SLC4A11: variants seen among roughly 807,000 people sequenced by gnomAD.
SLC4A11 encodes bicarbonate transporter related protein 1.
A neutral mutation model predicts 95.0 loss-of-function variants in SLC4A11; 74 were observed. That is an observed-to-expected ratio of 0.78 (90% confidence interval 0.65 to 0.95). The LOEUF (loss-of-function observed/expected upper bound fraction) is 0.95, where lower values mean the gene tolerates loss of function less well. Among genes scored for constraint, SLC4A11 ranks in the 40% least tolerant of loss-of-function variants. SLC4A11 has a pLI of 0.00. For missense variants in SLC4A11, 1,081 were observed against 1,192.4 expected (o/e 0.91, Z 1.38); for synonymous variants, 548 against 519.0 (o/e 1.06, Z -0.76).
chr20:3,229,731 G>C lies in SLC4A11; in HGVS notation c.1535C>G (p.Thr512Arg), dbSNP rs1306477680. The change falls in exon 14 of 20, where the codon ACA (threonine) becomes AGA (arginine). Residue 512 changes from threonine to arginine, a missense_variant. Thr to Arg is a moderately conservative substitution (Grantham distance 71). Coordinates refer to ENST00000642402, the MANE Select transcript of SLC4A11 (RefSeq NM_001174089.2). ...YYGHYLDDYH[T>R]KRTSSLVSLS... ...GCTGACAAGGGATGAAGTCCTTTTTGTGTGATAGTCGTCCAAGTAATGCCC... is the reference window on the plus strand; with the variant it reads ...GCTGACAAGGGATGAAGTCCTTTTTCTGTGATAGTCGTCCAAGTAATGCCC... 6.2e-7 allele frequency: 1 copy of C among 1,613,908 alleles called. No homozygotes were observed. Among genetic ancestry groups the C allele is most frequent in the Non-Finnish European group, 8.5e-7 (1 of 1,180,016 alleles).
In SLC4A11 at chr20:3,227,567, C is replaced by T; in HGVS notation, c.*220G>A. 1.7e-6 allele frequency: 1 copy of T among 602,924 alleles called. No homozygotes were observed. The highest frequency in any genetic ancestry group is 1.9e-5 in the South Asian group (1 of 52,842). 37.3% of individuals were successfully genotyped at this position (602,924 alleles called of 1,614,324 possible). On this transcript the variant is annotated 3_prime_UTR_variant, in exon 20 of 20. Transcript: ENST00000642402. ...CCCACCCACCCTGGGCAGAAGCTGC[C>T]CTGAGCAACGCTCTTGGCCTAAAGC...
chr20:3,227,443 T>C lies in SLC4A11; in HGVS notation c.*344A>G. The C allele has an allele frequency of 3.0e-6, 1 of 336,190 alleles. No individual in the cohort carries two copies. Among genetic ancestry groups the C allele is most frequent in the Non-Finnish European group, 5.7e-6 (1 of 174,224 alleles). 20.8% of individuals were successfully genotyped at this position (336,190 alleles called of 1,614,324 possible). A position where few individuals can be genotyped will look rare whatever the true frequency, so the allele number is the denominator to read the frequency against. On this transcript the variant is annotated 3_prime_UTR_variant, in exon 20 of 20. Transcript: ENST00000642402. ...AGGAGCCTAGAAACAGGAGCTTTAT[T>C]CTCTAATGTGCGTCCAGCAAGTTCC... is the stretch of plus-strand genomic sequence containing the variant.
intron 1 of SLC4A11, chr20:3,238,064 T>C (rs1310397942): frequency 3.4e-6 from 5 of 1,479,452 alleles, no homozygotes; most frequent in Admixed American, 2.4e-5. Flanking sequence ...TAAACGCCCA[T>C]TGCAGGCGCA....
In SLC4A11 at chr20:3,237,532, A is replaced by G; in HGVS notation, c.88+12T>C. 6.2e-7 allele frequency: 1 copy of G among 1,613,552 alleles called. No individual in the cohort carries two copies. The highest frequency in any genetic ancestry group is 1.1e-5 in the South Asian group (1 of 91,060). On this transcript the variant is annotated intron_variant, in intron 2 of 19. Coordinates refer to ENST00000642402, the MANE Select transcript of SLC4A11 (RefSeq NM_001174089.2). The stretch of plus-strand genomic sequence containing the variant: ...TCTCTCTGCACACACACACTCCCCG[A>G]GAGGTACTCACTTGAATCCTCGAAG...
Position 3,228,830 on chromosome 20 carries a change from A to G in SLC4A11, c.2192+8T>C. The G allele has an allele frequency of 6.2e-7, 1 of 1,613,668 alleles. No homozygotes were observed. The highest frequency in any genetic ancestry group is 8.5e-7 in the Non-Finnish European group (1 of 1,180,014). On this transcript the variant is annotated splice_region_variant and intron_variant, in intron 17 of 19. Transcript: ENST00000642402. ...AGGGTCCACGGCTCTTGCCAGCCTC[A>G]CACTCACGTGTCATAGATGTGTCCG...
rs777325698 is a variant in SLC4A11 at position 3,230,660 on chromosome 20, G to A, written c.1283-13C>T. 6.2e-7 allele frequency: 1 copy of A among 1,613,214 alleles called. No homozygotes were observed. The highest frequency in any genetic ancestry group is 8.5e-7 in the Non-Finnish European group (1 of 1,180,018). The stretch of plus-strand genomic sequence containing the variant: ...ATGACACGAATCACTGCAGGCAGGG[G>A]GCAGGGCGGGTCAGGGCCCGGCAGG... On this transcript the variant is annotated splice_polypyrimidine_tract_variant and intron_variant, in intron 11 of 19. Coordinates refer to ENST00000642402, the MANE Select transcript of SLC4A11 (RefSeq NM_001174089.2).
At position 3,234,017 on chromosome 20, in the gene SLC4A11, AG is replaced by A; in HGVS notation, c.524-16del. The A allele has an allele frequency of 6.2e-7, 1 of 1,609,214 alleles. No individual in the cohort carries two copies. Among genetic ancestry groups the A allele is most frequent in the Non-Finnish European group, 8.5e-7 (1 of 1,176,952 alleles). ...CAGCAGGTGGACTGAGGAAAGAGTG[AG>A]GGGGAGGGTGGTGGGTCAACAGCCC... On this transcript the variant is annotated splice_polypyrimidine_tract_variant and intron_variant, in intron 5 of 19. Transcript: ENST00000642402. The surrounding 1 kb of genome is among the most constrained non-coding windows in gnomAD (Gnocchi z 5.8).
In SLC4A11 at chr20:3,233,940, G is replaced by A. The variant is rs752989861; in HGVS notation, c.586C>T (p.Gln196Ter). The A allele has an allele frequency of 6.2e-7, 1 of 1,613,480 alleles. No individual in the cohort carries two copies. Among genetic ancestry groups the A allele is most frequent in the Non-Finnish European group, 8.5e-7 (1 of 1,180,030 alleles). The change falls in exon 6 of 20, where the codon CAG (glutamine) becomes TAG (stop). Residue 196 changes from glutamine to a stop codon, truncating the protein, a stop_gained. Transcript: ENST00000642402. LOFTEE classifies it high-confidence loss of function. ...ACTCACATGATGCAGAGCCACGACT[G>A]CTGGTACCGCACCCCTGTCACTGTG... ...TATVTGVRYQ[Q>*]SWLCIICTMK...
chr20:3,228,960 G>A lies in SLC4A11; in HGVS notation c.2070C>T (p.Ile690=). ...GCCCAAACAGAGACAGCCCTGTGTT[G>A]ATGATGGCGAGGAGCAGGAGGTCCC... ...YHWDLLLLAI[I]NTGLSLFGLP... Residue 690 remains isoleucine, a synonymous_variant, in exon 17 of 20, where the codon ATC becomes ATT. Transcript: ENST00000642402. 1 of 1,613,860 alleles carries A rather than the reference G, an allele frequency of 6.2e-7. No homozygotes were observed. Among genetic ancestry groups the A allele is most frequent in the Non-Finnish European group, 8.5e-7 (1 of 1,180,004 alleles).
chr20:3,234,223 G>A lies in SLC4A11; in HGVS notation c.383C>T (p.Thr128Met), dbSNP rs200591420. Residue 128 changes from threonine (T) to methionine (M), a missense_variant, in exon 5 of 20, where the codon ACG (threonine) becomes ATG (methionine). By Grantham distance (81) the Thr-to-Met change is moderately conservative. Transcript: ENST00000642402. This position sits in a 1 kb window ranked among gnomAD's most constrained non-coding sequence, Gnocchi z 5.8. ...CAGCACGTTATCCAGGGAGGTGGCC[G>A]TCTCGTTCAGGACGATGCTGGCCTG... ...LAQASIVLNETATSLDNVLRT... is the reference protein window; with the variant it reads ...LAQASIVLNEMATSLDNVLRT... 42 of 1,614,052 alleles carry A rather than the reference G, an allele frequency of 2.6e-5. No homozygotes were observed. Among genetic ancestry groups the A allele is most frequent in the Admixed American group, 1.2e-4 (7 of 60,028 alleles).
intron 12 of SLC4A11, 116 bp from the exon 13 acceptor site, chr20:3,230,376 C>G: frequency 1.3e-6 from 2 of 1,565,470 alleles, no homozygotes; most frequent in Non-Finnish European, 1.8e-6. Context: ...AAGGCCAGGG[C>G]CCCAGGCCTT....
chr20:3,235,301 TCTCTCTCTCACA>T (rs1265608909), intron 2 of SLC4A11, among the ~76,000 whole-genome samples: 14 of 115,490 alleles, frequency 1.2e-4, no homozygotes, highest in East Asian at 6.3e-4. Flanking sequence ...TCTCTCTCTC[TCTCTCTCTCACA>T]CACACACACA....
intron 18 of SLC4A11, 38 bp from the exon 19 acceptor site, chr20:3,228,466 G>T: frequency 6.2e-7 from 1 of 1,612,922 alleles, no homozygotes. Flanking sequence ...CAGGCATGGG[G>T]CTGTGTCCCC....
intron 6 of SLC4A11, 125 bp downstream of exon 6, chr20:3,233,796 C>T: frequency 4.6e-6 from 7 of 1,519,182 alleles, no homozygotes; most frequent in Non-Finnish European, 6.3e-6. Flanking sequence ...CCCTCTTCTC[C>T]CAAGTTGGTT....
intron 1 of SLC4A11, chr20:3,238,110 C>A (rs1039789439): frequency 1.4e-6 from 2 of 1,455,840 alleles, no homozygotes; most frequent in South Asian, 1.5e-5. Context: ...CCGGGTCACA[C>A]GGGGGCCGAC....
chr20:3,235,002 C>T, intron 2 of SLC4A11, 108 bp from the exon 3 acceptor site: 2 of 1,427,466 alleles, frequency 1.4e-6, no homozygotes, highest in African/African-American at 1.4e-5. Context: ...CACTCTCGGG[C>T]CGTGGTGGGA....
rs561120946 is a variant in SLC4A11 at position 3,229,705 on chromosome 20, G to A, written c.1561C>T (p.Leu521=). 7 of 1,613,992 alleles carry A rather than the reference G, an allele frequency of 4.3e-6. No individual in the cohort carries two copies. In the South Asian group the frequency reaches 7.7e-5, roughly 18 times the overall value. The change falls in exon 14 of 20, where the codon CTG becomes TTG. Residue 521 remains leucine, a synonymous_variant. Coordinates refer to ENST00000642402, the MANE Select transcript of SLC4A11 (RefSeq NM_001174089.2). ...HTKRTSSLVS[L]SGLGASLNAS... Reference sequence around the variant, plus strand: ...TTGAGGCTGGCGCCGAGGCCTGACAGGCTGACAAGGGATGAAGTCCTTTTT... The same window carrying A: ...TTGAGGCTGGCGCCGAGGCCTGACAAGCTGACAAGGGATGAAGTCCTTTTT...
intron 2 of SLC4A11, among the ~76,000 whole-genome samples, chr20:3,237,279 T>C (rs930267312): frequency 1.1e-4 from 16 of 152,152 alleles, no homozygotes; most frequent in African/African-American, 3.9e-4. Flanking sequence ...TAACAGGCCA[T>C]TGTCACAGAA....
chr20:3,232,295 G>A (rs955210124), intron 7 of SLC4A11, among the ~76,000 whole-genome samples: 2 of 152,222 alleles, frequency 1.3e-5, no homozygotes, highest in Non-Finnish European at 2.9e-5. Flanking sequence ...ATGAACTCAC[G>A]AACTCAGTGT....
Sources: gnomAD v4.1 joint callset for allele counts (sites outside exome capture counted in the v4.1 genomes callset) on GRCh38, gnomAD v4.1.1 for gene constraint, Gnocchi (gnomAD v3.1) non-coding constraint, MANE v1.5 for transcripts, NCBI Gene and HGNC (gene_info 2026-07-23, HGNC 2026-07-21) for gene names.